The following APBB1IP variants were observed in gnomAD, a reference collection of about 807,000 sequenced individuals.
APBB1IP encodes amyloid beta precursor protein binding family B member 1 interacting protein.
Under a neutral mutation model 64.9 loss-of-function variants are expected in APBB1IP, and 27 were observed. That is an observed-to-expected ratio of 0.42 (90% CI 0.31 to 0.57). APBB1IP has a LOEUF of 0.57. Among genes scored for constraint, APBB1IP ranks in the 20% least tolerant of loss-of-function variants. The pLI is 0.20. For missense variants in APBB1IP, 812 were observed against 845.5 expected (o/e 0.96, Z 0.49); for synonymous variants, 392 against 331.0 (o/e 1.18, Z -2.00).
intron 4 of APBB1IP, among the ~76,000 whole-genome samples, chr10:26,498,285 G>A (rs540830161): frequency 2.6e-5 from 4 of 152,186 alleles, no homozygotes; most frequent in African/African-American, 9.6e-5. Context: ...GACGCTGGTG[G>A]ATCACTTGAG....
chr10:26,512,327 T>C (rs1588596091), intron 7 of APBB1IP, among the ~76,000 whole-genome samples: 1 of 152,176 alleles, frequency 6.6e-6, no homozygotes, highest in African/African-American at 2.4e-5. Context: ...TGATACTTAC[T>C]AAGATGCTGC....
intron 8 of APBB1IP, among the ~76,000 whole-genome samples, chr10:26,518,640 G>A (rs991720314): frequency 1.3e-5 from 2 of 152,186 alleles, no homozygotes; most frequent in Admixed American, 6.5e-5. Context: ...ATCTTCTGTG[G>A]TTTTAAGTTG....
intron 8 of APBB1IP, among the ~76,000 whole-genome samples, chr10:26,531,271 G>T (rs1383036861): frequency 6.6e-6 from 1 of 152,162 alleles, no homozygotes; most frequent in Non-Finnish European, 1.5e-5. Context: ...AGGAGGCAGA[G>T]GTTTCAGTGA....
At chr10:26,492,499 T>C in intron 3 of APBB1IP, 101 bp downstream of exon 3, 2 of 1,066,414 alleles carry the variant, frequency 1.9e-6, no homozygotes, top group East Asian at 2.4e-5. Context: ...AACCCTGATA[T>C]CGGGGGAACC....
At chr10:26,562,141 G>T (rs1478794437) in intron 13 of APBB1IP, 185 bp from the exon 14 acceptor site, 2 of 510,952 alleles carry the variant, frequency 3.9e-6, no homozygotes, top group Non-Finnish European at 7.1e-6. Flanking sequence ...AAGGTTTTGT[G>T]TACCATGCCA....
intron 10 of APBB1IP, among the ~76,000 whole-genome samples, 170 bp downstream of exon 10, chr10:26,536,387 G>A (rs577104957): frequency 1.9e-4 from 29 of 152,092 alleles, no homozygotes; most frequent in Admixed American, 4.6e-4. Context: ...GAGTTTTCCC[G>A]TAGCTCTCTT....
At chr10:26,543,995 T>C (rs952514627) in intron 11 of APBB1IP, among the ~76,000 whole-genome samples, 2 of 152,212 alleles carry the variant, frequency 1.3e-5, no homozygotes, top group African/African-American at 2.4e-5. Flanking sequence ...CAAGCACTTA[T>C]ATGGCATTTT....
chr10:26,491,096 T>C (rs1166137371), intron 2 of APBB1IP, among the ~76,000 whole-genome samples: 1 of 152,024 alleles, frequency 6.6e-6, no homozygotes, highest in Non-Finnish European at 1.5e-5. Context: ...CTGGCCAACA[T>C]GATGAAACCT....
chr10:26,555,642 C>T (rs919698837), intron 11 of APBB1IP, among the ~76,000 whole-genome samples: 1 of 152,230 alleles, frequency 6.6e-6, no homozygotes, highest in Admixed American at 6.5e-5. Flanking sequence ...TCCTCCAGCC[C>T]AGTCTGGAGC....
At chr10:26,509,346 G>C (rs1035630940) in intron 6 of APBB1IP, among the ~76,000 whole-genome samples, 5 of 152,148 alleles carry the variant, frequency 3.3e-5, no homozygotes, top group Non-Finnish European at 7.4e-5. Context: ...GATTTAAATG[G>C]TCCCTGGAGG....
rs1344342252 is a variant in APBB1IP at position 26,543,806 on chromosome 10, G to T, written c.1155+2114G>T. 1.3e-5 allele frequency among the ~76,000 whole-genome samples: 2 copies of T among 152,116 alleles called. 1 individual carries two copies. The highest frequency in any genetic ancestry group is 3.9e-4 in the East Asian group (2 of 5,178). On this transcript the variant is annotated intron_variant, in intron 11 of 14. Transcript: ENST00000376236. ...ATTTGACAAAAGATGTGAATGAGGTGAGGGAGCAAGAATTATCTGCAGTAC... is the reference window on the plus strand; with the variant it reads ...ATTTGACAAAAGATGTGAATGAGGTTAGGGAGCAAGAATTATCTGCAGTAC...
rs944917890 is a variant in APBB1IP at position 26,515,714 on chromosome 10, G to A, written c.813+2054G>A. 3.9e-5 allele frequency among the ~76,000 whole-genome samples: 6 copies of A among 152,298 alleles called. No individual in the cohort carries two copies. In the South Asian group the frequency reaches 1.2e-3, roughly 32 times the overall value. On this transcript the variant is annotated intron_variant, in intron 8 of 14. Coordinates refer to ENST00000376236, the MANE Select transcript of APBB1IP (RefSeq NM_019043.4). Reference sequence around the variant, plus strand: ...TGTATAACTAAGATTAGCCATGGTGGGAGAGCCGGAGATTACCTCCATACC... The same window carrying A: ...TGTATAACTAAGATTAGCCATGGTGAGAGAGCCGGAGATTACCTCCATACC...
chr10:26,559,184 C>T (rs745387191), intron 11 of APBB1IP, among the ~76,000 whole-genome samples: 119 of 152,128 alleles, frequency 7.8e-4, no homozygotes, highest in Non-Finnish European at 1.5e-3. Flanking sequence ...GCTCAGATTT[C>T]TCATGGGGAT....
chr10:26,464,341 G>A (rs767730018), intron 2 of APBB1IP, among the ~76,000 whole-genome samples: 4 of 152,182 alleles, frequency 2.6e-5, no homozygotes, highest in South Asian at 2.1e-4. Flanking sequence ...TGCAAACACC[G>A]CTATGTACCA....
Position 26,492,760 on chromosome 10 carries a change from T to C in APBB1IP, c.72+362T>C, listed in dbSNP as rs1835971141. On this transcript the variant is annotated intron_variant, in intron 3 of 14. Coordinates refer to ENST00000376236, the MANE Select transcript of APBB1IP (RefSeq NM_019043.4). Reference sequence around the variant, plus strand: ...ATCACATGCTTCAAGGGCAACAAAATATCACAAGGCAAATGGGCAGGGCAA... The same window carrying C: ...ATCACATGCTTCAAGGGCAACAAAACATCACAAGGCAAATGGGCAGGGCAA... Among the ~76,000 whole-genome samples the C allele has an allele frequency of 2.0e-5, 3 of 152,040 alleles. No homozygotes were observed. The South Asian group carries it at 6.2e-4, about 32-fold the overall frequency.
chr10:26,440,753 CT>C (rs1156418982), intron 2 of APBB1IP, among the ~76,000 whole-genome samples: 2 of 151,782 alleles, frequency 1.3e-5, no homozygotes, highest in Admixed American at 6.6e-5. Flanking sequence ...ATTGATTTGC[CT>C]TTTTTCACTC....
intron 2 of APBB1IP, among the ~76,000 whole-genome samples, chr10:26,467,982 C>A (rs996244547): frequency 6.6e-6 from 1 of 152,204 alleles, no homozygotes; most frequent in South Asian, 2.1e-4. Context: ...GTTTAACACA[C>A]ATCAGACATT....
chr10:26,463,318 T>C (rs1034752158), intron 2 of APBB1IP, among the ~76,000 whole-genome samples: 1 of 152,198 alleles, frequency 6.6e-6, no homozygotes, highest in African/African-American at 2.4e-5. Flanking sequence ...CACACACTTG[T>C]AGTCCTAGCT....
intron 6 of APBB1IP, among the ~76,000 whole-genome samples, chr10:26,506,780 G>A (rs571672881): frequency 6.6e-6 from 1 of 152,242 alleles, no homozygotes; most frequent in East Asian, 1.9e-4. Flanking sequence ...AGGTGAACAA[G>A]TCAAGTGTGG....
Sources: gnomAD v4.1 joint callset for allele counts (sites outside exome capture counted in the v4.1 genomes callset) on GRCh38, gnomAD v4.1.1 for gene constraint, MANE v1.5 for transcripts, NCBI Gene and HGNC (gene_info 2026-07-23, HGNC 2026-07-21) for gene names.